FAF1: variants seen among roughly 807,000 people sequenced by gnomAD.
FAF1 encodes Fas associated factor 1, also known as FAS-associated factor 1.
Under a neutral mutation model 92.5 loss-of-function variants are expected in FAF1, and 25 were observed. That is an observed-to-expected ratio of 0.27 (90% CI 0.20 to 0.38). The LOEUF is 0.38. Among genes scored for constraint, FAF1 ranks in the 10% least tolerant of loss-of-function variants. FAF1 has a pLI of 1.00. For synonymous variants in FAF1, 234 were observed against 273.2 expected (o/e 0.86, Z 1.42); for missense variants, 636 against 793.3 (o/e 0.80, Z 2.38).
chr1:50,732,865 C>T (rs1295247048), intron 6 of FAF1, among the ~76,000 whole-genome samples: 1 of 150,268 alleles, frequency 6.7e-6, no homozygotes, highest in Non-Finnish European at 1.5e-5. Context: ...TCCTTTCTTT[C>T]TTCTAGATGT....
chr1:50,502,945 C>T lies in FAF1; in HGVS notation c.1495-11144G>A, dbSNP rs1327448821. Among the ~76,000 whole-genome samples, 16 of 152,008 alleles carry T rather than the reference C, an allele frequency of 1.1e-4. No homozygotes were observed. The South Asian group carries it at 1.9e-3, about 18-fold the overall frequency. The stretch of plus-strand genomic sequence containing the variant: ...AGTGATTTTTTTTTCCTGCCTCAGC[C>T]TCTGAGGAGCTTGGATTACAGGTGT... On this transcript the variant is annotated intron_variant, in intron 15 of 18. Transcript: ENST00000396153.
intron 3 of FAF1, among the ~76,000 whole-genome samples, chr1:50,789,002 T>G (rs1463098074): frequency 1.3e-5 from 2 of 152,018 alleles, no homozygotes; most frequent in African/African-American, 4.8e-5. Context: ...CCAGCTCATT[T>G]TTGTATTTTT....
chr1:50,941,308 C>T (rs1485198422), intron 1 of FAF1, among the ~76,000 whole-genome samples: 1 of 152,152 alleles, frequency 6.6e-6, no homozygotes, highest in Non-Finnish European at 1.5e-5. Flanking sequence ...CTCCTGGGTT[C>T]AAGCGATTCT....
intron 2 of FAF1, among the ~76,000 whole-genome samples, chr1:50,848,635 A>G (rs1168539049): frequency 6.6e-6 from 1 of 152,206 alleles, no homozygotes; most frequent in Non-Finnish European, 1.5e-5. Flanking sequence ...GTAATAACAC[A>G]TATTGACATC....
rs113623907 is a variant in FAF1 at position 50,943,517 on chromosome 1, T to C, written c.45+16250A>G. On this transcript the variant is annotated intron_variant, in intron 1 of 18. Transcript: ENST00000396153. ...ATCCATAATAACTCTTGTCAGTGAA[T>C]TGAGGCAGACCTTAATGCCTTCCAG... Among the ~76,000 whole-genome samples, 298 of 152,340 alleles carry C rather than the reference T, an allele frequency of 2.0e-3. 2 individuals are homozygous for C. Among genetic ancestry groups the C allele is most frequent in the African/African-American group, 6.7e-3 (279 of 41,588 alleles).
At chr1:50,860,814 A>G (rs1644426350) in intron 1 of FAF1, among the ~76,000 whole-genome samples, 1 of 151,970 alleles carries the variant, frequency 6.6e-6, no homozygotes, top group Non-Finnish European at 1.5e-5. Context: ...TCACAATAGC[A>G]AAGACATGGA....
intron 1 of FAF1, among the ~76,000 whole-genome samples, chr1:50,924,728 A>C (rs1028444748): frequency 2.0e-5 from 3 of 152,198 alleles, no homozygotes; most frequent in Admixed American, 1.3e-4. Context: ...CACGCCTGTA[A>C]ACCCAGCACT....
At chr1:50,870,735 T>A (rs574950481) in intron 1 of FAF1, among the ~76,000 whole-genome samples, 57 of 152,202 alleles carry the variant, frequency 3.7e-4, no homozygotes, top group Non-Finnish European at 5.4e-4. Flanking sequence ...ACTGCTCTGC[T>A]GACCTGCCAG....
chr1:50,645,085 T>G (rs956924360), intron 8 of FAF1, among the ~76,000 whole-genome samples: 2 of 152,218 alleles, frequency 1.3e-5, no homozygotes, highest in African/African-American at 4.8e-5. Flanking sequence ...TCTTTGCCTG[T>G]GTTATTTGCA....
At chr1:50,547,743 T>C (rs962905121) in intron 13 of FAF1, among the ~76,000 whole-genome samples, 3 of 152,178 alleles carry the variant, frequency 2.0e-5, no homozygotes, top group Admixed American at 2.0e-4. Flanking sequence ...ATCTTTCTCC[T>C]TGTTGCCATC....
chr1:50,821,723 C>T (rs1355458531), intron 2 of FAF1, among the ~76,000 whole-genome samples: 1 of 152,062 alleles, frequency 6.6e-6, no homozygotes, highest in African/African-American at 2.4e-5. Context: ...ATCAAAAGTG[C>T]TTAAATAATG....
chr1:50,908,599 T>C (rs1644858737), intron 1 of FAF1, among the ~76,000 whole-genome samples: 1 of 152,196 alleles, frequency 6.6e-6, no homozygotes, highest in Non-Finnish European at 1.5e-5. Context: ...GCTCTTCTTG[T>C]TGAATTGATC....
rs575158837 is a variant in FAF1 at position 50,585,428 on chromosome 1, G to T, written c.841-617C>A. 3.9e-5 allele frequency among the ~76,000 whole-genome samples: 6 copies of T among 152,276 alleles called. No homozygotes were observed. The East Asian group carries it at 1.2e-3, about 29-fold the overall frequency. The stretch of plus-strand genomic sequence containing the variant: ...AAAAATTACTGAGAATTTACTACCT[G>T]CTGAGCACTGATGAATATGCTCTGT... On this transcript the variant is annotated intron_variant, in intron 9 of 18. Transcript: ENST00000396153.
chr1:50,575,385 C>A (rs1161311732), intron 12 of FAF1, among the ~76,000 whole-genome samples: 1 of 152,054 alleles, frequency 6.6e-6, no homozygotes, highest in Non-Finnish European at 1.5e-5. Flanking sequence ...AATTACAGAA[C>A]AGCAGGTTTG....
At chr1:50,624,714 G>C (rs1239515132) in intron 8 of FAF1, among the ~76,000 whole-genome samples, 1 of 152,060 alleles carries the variant, frequency 6.6e-6, no homozygotes, top group Non-Finnish European at 1.5e-5. Context: ...CACTAAATAA[G>C]AACAGCATTA....
chr1:50,485,879 G>A (rs1334154192), intron 17 of FAF1, among the ~76,000 whole-genome samples: 1 of 151,948 alleles, frequency 6.6e-6, no homozygotes, highest in African/African-American at 2.4e-5. Context: ...AGAGAACAAC[G>A]GAGGAAGTGC....
At chr1:50,520,083 T>G (rs1647423062) in intron 15 of FAF1, among the ~76,000 whole-genome samples, 1 of 152,244 alleles carries the variant, frequency 6.6e-6, no homozygotes, top group African/African-American at 2.4e-5. Context: ...GTAGTTTACC[T>G]ACTAAATGTC....
rs376855014 is a variant in FAF1, at chr1:50,553,611, C to T, written c.1268+13466G>A. ...AGATAGAACTGTGCACAGCACCAGA[C>T]AAACCTCCTCTAGAGCACTATGCTT... On this transcript the variant is annotated intron_variant, in intron 13 of 18. Coordinates refer to ENST00000396153, the MANE Select transcript of FAF1 (RefSeq NM_007051.3). 7.2e-5 allele frequency among the ~76,000 whole-genome samples: 11 copies of T among 152,292 alleles called. 1 individual carries two copies. The highest frequency in any genetic ancestry group is 2.6e-4 in the African/African-American group (11 of 41,562).
chr1:50,636,729 T>C (rs1654030691), intron 8 of FAF1, among the ~76,000 whole-genome samples: 1 of 152,200 alleles, frequency 6.6e-6, no homozygotes. Flanking sequence ...TTATCCATTT[T>C]TTTTCCTCTT....
Sources: gnomAD v4.1 joint callset for allele counts (sites outside exome capture counted in the v4.1 genomes callset) on GRCh38, gnomAD v4.1.1 for gene constraint, MANE v1.5 for transcripts, NCBI Gene and HGNC (gene_info 2026-07-23, HGNC 2026-07-21) for gene names.